FCRL2: variants seen among roughly 807,000 people sequenced by gnomAD.
The protein encoded by FCRL2 is Fc receptor like 2, also known as Fc receptor-like protein 2.
A neutral mutation model predicts 59.8 loss-of-function variants in FCRL2; 48 were observed. That is an observed-to-expected ratio of 0.80 (90% CI 0.64 to 1.02). The LOEUF is 1.02. Ranked by LOEUF, FCRL2 falls within the 50% of genes least tolerant of loss-of-function variation. The pLI, the probability that FCRL2 is intolerant of heterozygous loss-of-function variation, is 0.00. For synonymous variants in FCRL2, 251 were observed against 229.5 expected, an observed-to-expected ratio of 1.09 and a Z score of -0.85; for missense variants, 658 against 597.3, an observed-to-expected ratio of 1.10 and a Z score of -1.06.
chr1:157,770,726 A>G (rs1378925524), intron 2 of FCRL2, 60 bp from the exon 3 acceptor site: 2 of 1,585,744 alleles, frequency 1.3e-6, no homozygotes, highest in Non-Finnish European at 8.6e-7. Flanking sequence ...GACAGACTCC[A>G]TTGGCAGTGA....
chr1:157,767,283 G>A lies in FCRL2; in HGVS notation c.1110C>T (p.Ala370=). The A allele has an allele frequency of 6.2e-7, 1 of 1,614,224 alleles. No individual in the cohort carries two copies. The highest frequency in any genetic ancestry group is 8.5e-7 in the Non-Finnish European group (1 of 1,180,024). ...AEHSGNYSCE[A]NNGLGAQCSE... ...TGCACTGGGCCCCCAGGCCGTTGTTGGCCTCACAGGAGTAGTTTCCAGAAT... is the reference window on the plus strand; with the variant it reads ...TGCACTGGGCCCCCAGGCCGTTGTTAGCCTCACAGGAGTAGTTTCCAGAAT... Residue 370 remains alanine (A), a synonymous_variant, in exon 6 of 12, where the codon GCC becomes GCT. Transcript: ENST00000361516.
At chr1:157,758,679 GC>G (rs1187288922) in intron 7 of FCRL2, among the ~76,000 whole-genome samples, 1 of 22,116 alleles carries the variant, frequency 4.5e-5, no homozygotes, top group East Asian at 1.1e-3. Flanking sequence ...GCAGTCCCAA[GC>G]AAAAAAAAAA....
intron 7 of FCRL2, among the ~76,000 whole-genome samples, chr1:157,751,432 G>A (rs575899979): frequency 1.3e-5 from 2 of 152,278 alleles, no homozygotes; most frequent in Admixed American, 6.5e-5. Flanking sequence ...ATAGTCAATC[G>A]GAGGACAATA....
In FCRL2 at chr1:157,775,250, C is replaced by T. The variant is rs149772466; in HGVS notation, c.52+525G>A. Among the ~76,000 whole-genome samples, 8 of 152,256 alleles carry T rather than the reference C, an allele frequency of 5.3e-5. No homozygotes were observed. In the East Asian group the frequency reaches 7.7e-4, roughly 15 times the overall value. The stretch of plus-strand genomic sequence containing the variant: ...CCACAGCAATGGCATTGAGTAGTTA[C>T]GGCACACACCTGAAAAGCTTAGCCT... On this transcript the variant is annotated intron_variant, in intron 2 of 11. Coordinates refer to ENST00000361516, the MANE Select transcript of FCRL2 (RefSeq NM_030764.4).
intron 2 of FCRL2, chr1:157,774,385 A>G (rs1380856551): frequency 4.4e-6 from 2 of 455,084 alleles, no homozygotes; most frequent in South Asian, 3.1e-5. Flanking sequence ...CATGATTTCA[A>G]TTTGGTCTTT....
At chr1:157,776,842 A>G (rs1258593463) in intron 1 of FCRL2, among the ~76,000 whole-genome samples, 1 of 152,208 alleles carries the variant, frequency 6.6e-6, no homozygotes, top group Non-Finnish European at 1.5e-5. Flanking sequence ...AACATTAAGC[A>G]TTGTGCTTAA....
At chr1:157,756,712 G>T (rs1263534778) in intron 7 of FCRL2, among the ~76,000 whole-genome samples, 2 of 151,644 alleles carry the variant, frequency 1.3e-5, no homozygotes, top group African/African-American at 2.4e-5. Flanking sequence ...ATATCTGAAG[G>T]TCAAAGCCAT....
At chr1:157,761,835 C>A (rs1176343955) in intron 7 of FCRL2, among the ~76,000 whole-genome samples, 1 of 152,020 alleles carries the variant, frequency 6.6e-6, no homozygotes, top group Admixed American at 6.5e-5. Flanking sequence ...CCAAAAGACA[C>A]GGCAGCTTAA....
rs1417878477 is a variant in FCRL2, at chr1:157,767,260, C to A, written c.1133G>T (p.Cys378Phe). 1 of 1,613,930 alleles carries A rather than the reference C, an allele frequency of 6.2e-7. No homozygotes were observed. The highest frequency in any genetic ancestry group is 8.5e-7 in the Non-Finnish European group (1 of 1,179,844). The change falls in exon 6 of 12, where the codon TGC becomes TTC. Residue 378 changes from cysteine (C) to phenylalanine (F), a missense_variant. Physicochemically the swap from Cys to Phe is radical, Grantham distance 205 (BLOSUM62 -2). Coordinates refer to ENST00000361516, the MANE Select transcript of FCRL2 (RefSeq NM_030764.4). ...CEANNGLGAQ[C>F]SEAVPVSISG... is the part of the protein sequence containing the mutation. Reference sequence around the variant, plus strand: ...GATGGAGACTGGCACTGCCTCACTGCACTGGGCCCCCAGGCCGTTGTTGGC... The same window carrying A: ...GATGGAGACTGGCACTGCCTCACTGAACTGGGCCCCCAGGCCGTTGTTGGC...
chr1:157,751,905 G>T (rs376550201), intron 7 of FCRL2, among the ~76,000 whole-genome samples: 2 of 151,024 alleles, frequency 1.3e-5, no homozygotes, highest in East Asian at 1.9e-4. Flanking sequence ...GAGCAAACCT[G>T]GAGAGTCAGC....
intron 7 of FCRL2, among the ~76,000 whole-genome samples, chr1:157,761,245 G>C (rs555508194): frequency 1.3e-3 from 199 of 152,308 alleles, no homozygotes; most frequent in African/African-American, 4.7e-3. Context: ...GGCAGATACA[G>C]GTTCTGGTCT....
chr1:157,770,784 C>CTT, intron 2 of FCRL2, 118 bp from the exon 3 acceptor site: 1 of 1,054,188 alleles, frequency 9.5e-7, no homozygotes, highest in Middle Eastern at 2.1e-4. Flanking sequence ...ATGGAAGTTC[C>CTT]AATCCATGCC....
rs1042142136 is a variant in FCRL2, at chr1:157,776,939, G to C, written c.31+104C>G. The stretch of plus-strand genomic sequence containing the variant: ...AGCCCAAGCTGCAGGCAGGACCTGA[G>C]CATCCCCACCAGTCCCTGGGCTCCA... On this transcript the variant is annotated intron_variant, in intron 1 of 11. Coordinates refer to ENST00000361516, the MANE Select transcript of FCRL2 (RefSeq NM_030764.4). The C allele has an allele frequency of 2.7e-6, 3 of 1,109,470 alleles. No homozygotes were observed. In the African/African-American group the frequency reaches 4.6e-5, roughly 17 times the overall value. 68.7% of individuals were successfully genotyped at this position (1,109,470 alleles called of 1,614,324 possible).
At chr1:157,754,302 AGTT>A (rs1194500701) in intron 7 of FCRL2, among the ~76,000 whole-genome samples, 2 of 152,198 alleles carry the variant, frequency 1.3e-5, no homozygotes, top group African/African-American at 4.8e-5. Flanking sequence ...AATGACCTCT[AGTT>A]GCCCTCACTG....
intron 7 of FCRL2, among the ~76,000 whole-genome samples, chr1:157,751,293 T>G (rs1226294493): frequency 6.6e-6 from 1 of 152,198 alleles, no homozygotes; most frequent in Non-Finnish European, 1.5e-5. Flanking sequence ...GTCTTAGAGA[T>G]AGACATTTCT....
At chr1:157,749,228 C>T (rs981103748) in intron 8 of FCRL2, among the ~76,000 whole-genome samples, 2 of 151,938 alleles carry the variant, frequency 1.3e-5, no homozygotes, top group Non-Finnish European at 2.9e-5. Context: ...CTTTGCCTGC[C>T]TTTTTCTCAT....
At chr1:157,759,314 C>T (rs570392755) in intron 7 of FCRL2, among the ~76,000 whole-genome samples, 2 of 152,238 alleles carry the variant, frequency 1.3e-5, no homozygotes, top group East Asian at 1.9e-4. Flanking sequence ...TATTTCTTTA[C>T]AGCACTGTGA....
Position 157,770,410 on chromosome 1 carries a change from T to C in FCRL2, c.309A>G (p.Gln103=). The change falls in exon 3 of 12, where the codon CAA becomes CAG. Residue 103 remains glutamine (Q), a splice_region_variant and synonymous_variant. Transcript: ENST00000361516. ...ATCCCACAGAAGTCAGGGTTTTACC[T>C]TGGACTTTTATCTTTACTATATTTG... is the stretch of plus-strand genomic sequence containing the variant. ...KTSNIVKIKV[Q]ELFQRPVLTA... is the part of the protein sequence containing the mutation. 1 of 1,612,788 alleles carries C rather than the reference T, an allele frequency of 6.2e-7. No homozygotes were observed. Among genetic ancestry groups the C allele is most frequent in the South Asian group, 1.1e-5 (1 of 90,862 alleles).
intron 7 of FCRL2, among the ~76,000 whole-genome samples, chr1:157,766,000 T>C (rs373797816): frequency 1.3e-5 from 2 of 152,280 alleles, no homozygotes; most frequent in African/African-American, 4.8e-5. Context: ...TGTGCTCTAG[T>C]TGACTCTCAG....
Sources: gnomAD v4.1 joint callset for allele counts (sites outside exome capture counted in the v4.1 genomes callset) on GRCh38, gnomAD v4.1.1 for gene constraint, MANE v1.5 for transcripts, NCBI Gene and HGNC (gene_info 2026-07-23, HGNC 2026-07-21) for gene names.